The following NAALADL2 variants were observed in gnomAD, a reference collection of about 807,000 sequenced individuals.
NAALADL2 encodes the protein inactive N-acetylated-alpha-linked acidic dipeptidase-like protein 2.
Under a neutral mutation model 87.2 loss-of-function variants are expected in NAALADL2, and 76 were observed. That is an observed-to-expected ratio of 0.87 (90% CI 0.72 to 1.05). The LOEUF is 1.05. Ranked by LOEUF, NAALADL2 falls within the 50% of genes least tolerant of loss-of-function variation. The probability of loss-of-function intolerance (pLI) is 0.00; values close to 1 mark genes in which losing one functional copy is unlikely to be tolerated. For missense variants in NAALADL2, 1,089 were observed against 945.8 expected, an observed-to-expected ratio of 1.15 and a Z score of -1.99; for synonymous variants, 354 against 331.0, an observed-to-expected ratio of 1.07 and a Z score of -0.75.
rs868009126 is a variant in NAALADL2, at chr3:175,013,293, A to T, written c.44-83497A>T. Among the ~76,000 whole-genome samples the T allele has an allele frequency of 3.1e-3, 245 of 79,746 alleles. 4 individuals carry two copies. Among genetic ancestry groups the T allele is most frequent in the Middle Eastern group, 0.025 (3 of 122 alleles). The allele number at this position is 79,746 out of a possible 152,430, so 52.3% of individuals were successfully genotyped here. ...TATATATATACATATATATATATATATATATATATTTTTTTTTTTTTTTGA... is the reference window on the plus strand; with the variant it reads ...TATATATATACATATATATATATATTTATATATATTTTTTTTTTTTTTTGA... On this transcript the variant is annotated intron_variant, in intron 1 of 13. Transcript: ENST00000454872.
At chr3:175,199,111 A>T (rs189733679) in intron 2 of NAALADL2, among the ~76,000 whole-genome samples, 3 of 152,204 alleles carry the variant, frequency 2.0e-5, no homozygotes, top group Admixed American at 6.6e-5. Context: ...CATCAGCAGG[A>T]TGTGTGTTTT....
chr3:175,305,457 G>A (rs116384745), intron 4 of NAALADL2, among the ~76,000 whole-genome samples: 306 of 152,118 alleles, frequency 2.0e-3, no homozygotes, highest in African/African-American at 6.9e-3. Context: ...TCAAATACAT[G>A]TTTACTTTGC....
At chr3:175,462,236 A>G (rs1723251739) in intron 6 of NAALADL2, among the ~76,000 whole-genome samples, 1 of 152,110 alleles carries the variant, frequency 6.6e-6, no homozygotes, top group African/African-American at 2.4e-5. Context: ...CAAACCTAAA[A>G]TGCTCTAAGA....
chr3:174,504,295 A>G (rs73881188), intron 1 of NAALADL2, among the ~76,000 whole-genome samples: 2,148 of 152,226 alleles, frequency 0.014, 50 homozygotes, highest in African/African-American at 0.049. Flanking sequence ...CAATACCCCA[A>G]TGCAAATGTT....
chr3:175,608,837 T>A (rs1484777198), intron 10 of NAALADL2, among the ~76,000 whole-genome samples: 1 of 152,178 alleles, frequency 6.6e-6, no homozygotes, highest in East Asian at 1.9e-4. Flanking sequence ...ATGTTACCGT[T>A]TTGCCACTAT....
intron 2 of NAALADL2, among the ~76,000 whole-genome samples, chr3:175,131,775 A>AC (rs531991632): frequency 0.059 from 7,929 of 134,980 alleles, 486 homozygotes; most frequent in African/African-American, 0.16. Flanking sequence ...CAGGGGGCTG[A>AC]CCCCCCCACC....
chr3:174,589,116 C>T (rs567226772), intron 2 of NAALADL2, among the ~76,000 whole-genome samples: 2 of 152,136 alleles, frequency 1.3e-5, no homozygotes, highest in South Asian at 2.1e-4. Flanking sequence ...CCTTGCAGTT[C>T]GATCTCAGAC....
chr3:174,873,578 A>G (rs755009587), intron 1 of NAALADL2, among the ~76,000 whole-genome samples: 16 of 152,114 alleles, frequency 1.1e-4, no homozygotes, highest in Non-Finnish European at 2.1e-4. Context: ...AAATACAAGC[A>G]TATATATTTA....
chr3:175,737,446 C>T (rs1250684474), intron 12 of NAALADL2, 47 bp downstream of exon 12: 8 of 1,188,008 alleles, frequency 6.7e-6, no homozygotes, highest in South Asian at 1.2e-5. Context: ...AAAAATTGTT[C>T]AACTAATTTT....
intron 1 of NAALADL2, among the ~76,000 whole-genome samples, chr3:174,959,896 G>C (rs1222529241): frequency 2.6e-5 from 4 of 151,984 alleles, no homozygotes; most frequent in African/African-American, 9.7e-5. Context: ...CATTGCTTTT[G>C]ACAAGATTTG....
chr3:174,601,605 C>T (rs1718468865), intron 2 of NAALADL2, among the ~76,000 whole-genome samples: 2 of 152,102 alleles, frequency 1.3e-5, no homozygotes, highest in Non-Finnish European at 1.5e-5. Context: ...TGTCTGTTCA[C>T]TTTGTTGATT....
chr3:175,056,360 C>T (rs985526997), intron 1 of NAALADL2, among the ~76,000 whole-genome samples: 3 of 152,116 alleles, frequency 2.0e-5, no homozygotes, highest in Non-Finnish European at 4.4e-5. Context: ...CCATTGTTAC[C>T]CTGATGCTTC....
chr3:174,850,870 A>G (rs1323361073), intron 3 of NAALADL2, among the ~76,000 whole-genome samples: 2 of 150,418 alleles, frequency 1.3e-5, no homozygotes, highest in Non-Finnish European at 2.9e-5. Flanking sequence ...TCCACTAAAG[A>G]TGTCTTAATT....
intron 9 of NAALADL2, among the ~76,000 whole-genome samples, chr3:175,545,166 A>G (rs2149478154): frequency 6.6e-6 from 1 of 152,312 alleles, no homozygotes; most frequent in South Asian, 2.1e-4. Flanking sequence ...GAGGTCTTAC[A>G]TGACTTATAT....
chr3:174,687,533 C>A (rs1027846031), intron 2 of NAALADL2, among the ~76,000 whole-genome samples: 2 of 152,006 alleles, frequency 1.3e-5, no homozygotes, highest in Non-Finnish European at 1.5e-5. Context: ...AATTAGCTAG[C>A]CAAACACAGT....
chr3:174,770,628 C>T (rs1215137219), intron 3 of NAALADL2, among the ~76,000 whole-genome samples: 1 of 152,008 alleles, frequency 6.6e-6, no homozygotes, highest in African/African-American at 2.4e-5. Context: ...ATCACGAGGT[C>T]AGGAGATCGA....
intron 13 of NAALADL2, among the ~76,000 whole-genome samples, chr3:175,774,408 A>G (rs1749934387): frequency 6.6e-6 from 1 of 152,034 alleles, no homozygotes; most frequent in African/African-American, 2.4e-5. Flanking sequence ...ATTCATTTTA[A>G]AAGAAAAAGT....
Position 174,612,945 on chromosome 3 carries a change from T to A in NAALADL2, c.-115+62308T>A, listed in dbSNP as rs183034467. 4.2e-3 allele frequency among the ~76,000 whole-genome samples: 641 copies of A among 152,288 alleles called. 3 individuals carry two copies. Among genetic ancestry groups the A allele is most frequent in the Non-Finnish European group, 7.0e-3 (478 of 68,024 alleles). On this transcript the variant is annotated intron_variant, in intron 2 of 3. Coordinates refer to the NAALADL2 transcript ENST00000434257. ...TGTTCCCATCCTTCTTGGGAGAGCT[T>A]TCCATACAGTTGAAAGGACATGGGT...
intron 2 of NAALADL2, among the ~76,000 whole-genome samples, chr3:174,694,112 T>C (rs544733613): frequency 8.5e-5 from 13 of 152,260 alleles, no homozygotes; most frequent in Non-Finnish European, 1.9e-4. Context: ...ATTTCAGCCA[T>C]GTGGCTTTAT....
Sources: gnomAD v4.1 joint callset for allele counts (sites outside exome capture counted in the v4.1 genomes callset) on GRCh38, gnomAD v4.1.1 for gene constraint, MANE v1.5 for transcripts, NCBI Gene and HGNC (gene_info 2026-07-23, HGNC 2026-07-21) for gene names.